DCAF8L2: variants seen among roughly 807,000 people sequenced by gnomAD.
DCAF8L2 encodes DDB1 and CUL4 associated factor 8 like 2.
For synonymous variants in DCAF8L2, 200 were observed against 190.9 expected (o/e 1.05, Z -0.39); for missense variants, 430 against 490.7 (o/e 0.88, Z 1.17).
the DCAF8L2 span, among the ~76,000 whole-genome samples, chrX:27,504,702 C>CGT: frequency 9.0e-6 from 1 of 111,328 alleles, no homozygotes; most frequent in East Asian, 2.8e-4. Context: ...TGGACTGACT[C>CGT]ATAGTAGCAA....
chrX:27,543,281 T>C, the DCAF8L2 span, among the ~76,000 whole-genome samples: 89 of 112,337 alleles, frequency 7.9e-4, no homozygotes, highest in African/African-American at 2.6e-3. Flanking sequence ...TTGTTGAAGA[T>C]CACATGGTTG....
chrX:27,514,970 C>T, the DCAF8L2 span, among the ~76,000 whole-genome samples: 8 of 111,295 alleles, frequency 7.2e-5, no homozygotes, highest in East Asian at 1.7e-3. Context: ...TTCTATTACA[C>T]AGTAGGGTGA....
chrX:27,613,019 G>A (rs1927267236), intron 1 of DCAF8L2, among the ~76,000 whole-genome samples: 1 of 111,634 alleles, frequency 9.0e-6, no homozygotes, highest in Non-Finnish European at 1.9e-5. Context: ...GGATGGCATT[G>A]AATCTATAAA....
At chrX:27,592,418 T>TTTTG (rs113278580) in intron 1 of DCAF8L2, among the ~76,000 whole-genome samples, 354 of 19,042 alleles carry the variant, frequency 0.019, no homozygotes, top group African/African-American at 0.039. Flanking sequence ...TTTGTTTTTG[T>TTTTG]TTTTTTTTTT....
the DCAF8L2 span, among the ~76,000 whole-genome samples, chrX:27,528,064 T>A: frequency 9.4e-6 from 1 of 106,179 alleles, no homozygotes; most frequent in African/African-American, 3.4e-5. Flanking sequence ...TAAATTAAAT[T>A]TTTAATTTAA....
At chrX:27,539,770 A>G in the DCAF8L2 span, among the ~76,000 whole-genome samples, 1 of 110,898 alleles carries the variant, frequency 9.0e-6, no homozygotes, top group Non-Finnish European at 1.9e-5. Context: ...TTGTTAAGGG[A>G]TGTTGGTGTT....
At chrX:27,533,192 A>C in the DCAF8L2 span, among the ~76,000 whole-genome samples, 23 of 23,027 alleles carry the variant, frequency 1.0e-3, 2 homozygotes, top group Non-Finnish European at 2.3e-3. Context: ...GAAAGAAAGA[A>C]AGAAAGAAAG....
At chrX:27,508,582 T>G in the DCAF8L2 span, among the ~76,000 whole-genome samples, 3 of 107,939 alleles carry the variant, frequency 2.8e-5, no homozygotes, top group African/African-American at 1.0e-4. Flanking sequence ...CCCCGGTCAC[T>G]CCATCCTTAG....
chrX:27,630,407 C>T (rs138785964), intron 1 of DCAF8L2, among the ~76,000 whole-genome samples: 35 of 111,547 alleles, frequency 3.1e-4, no homozygotes, highest in African/African-American at 1.1e-3. Context: ...AGCCCCTGAC[C>T]AGATGGCTTT....
the DCAF8L2 span, among the ~76,000 whole-genome samples, chrX:27,573,254 T>TCTCTCTCTCACACA: frequency 4.0e-5 from 4 of 99,710 alleles, no homozygotes; most frequent in African/African-American, 1.5e-4. Context: ...TCTCTCTCTC[T>TCTCTCTCTCACACA]CACACACACA....
intron 4 of DCAF8L2, among the ~76,000 whole-genome samples, chrX:27,737,915 G>A (rs888996809): frequency 9.0e-6 from 1 of 111,402 alleles, no homozygotes; most frequent in Non-Finnish European, 1.9e-5. Context: ...GTTTGCAAAT[G>A]TATCTTTCCC....
chrX:27,475,566 C>G, the DCAF8L2 span, among the ~76,000 whole-genome samples: 1 of 111,672 alleles, frequency 9.0e-6, no homozygotes, highest in Non-Finnish European at 1.9e-5. Context: ...TAGTGTGTCG[C>G]TTGAACAGGT....
intron 2 of DCAF8L2, among the ~76,000 whole-genome samples, chrX:27,667,148 G>A (rs768021667): frequency 9.1e-6 from 1 of 110,150 alleles, no homozygotes; most frequent in Admixed American, 9.7e-5. Context: ...GGTGGGGGGC[G>A]GTGTTAAAGG....
At chrX:27,723,847 G>T (rs776979768) in intron 4 of DCAF8L2, among the ~76,000 whole-genome samples, 12 of 110,949 alleles carry the variant, frequency 1.1e-4, no homozygotes, top group African/African-American at 2.9e-4. Context: ...AATAACTGGA[G>T]CTATATCTAC....
intron 3 of DCAF8L2, among the ~76,000 whole-genome samples, chrX:27,678,270 T>C (rs762853978): frequency 4.5e-5 from 5 of 111,814 alleles, no homozygotes; most frequent in African/African-American, 1.6e-4. Context: ...GTATATGATA[T>C]GGAAGTTCCT....
the DCAF8L2 span, among the ~76,000 whole-genome samples, chrX:27,473,877 G>A: frequency 5.4e-5 from 6 of 110,944 alleles, no homozygotes; most frequent in African/African-American, 1.3e-4. Context: ...GGAAGAATAC[G>A]CATTTTTTGC....
the DCAF8L2 span, among the ~76,000 whole-genome samples, chrX:27,526,120 C>T: frequency 1.8e-5 from 2 of 111,908 alleles, no homozygotes; most frequent in Non-Finnish European, 1.9e-5. Flanking sequence ...CTGCAGAGTA[C>T]TTTCCAACTT....
At chrX:27,594,010 T>A (rs1926236683) in intron 1 of DCAF8L2, among the ~76,000 whole-genome samples, 1 of 112,378 alleles carries the variant, frequency 8.9e-6, no homozygotes, top group South Asian at 3.6e-4. Context: ...AATTTTTTTA[T>A]AATAAAGTCA....
intron 2 of DCAF8L2, among the ~76,000 whole-genome samples, chrX:27,635,785 A>ATG (rs1928472413): frequency 1.2e-5 from 1 of 84,842 alleles, no homozygotes; most frequent in African/African-American, 4.8e-5. Flanking sequence ...ATTTCCTTTT[A>ATG]CGTGTGTGTG....
Sources: allele counts gnomAD v4.1 joint callset (sites outside exome capture counted in the v4.1 genomes callset), GRCh38; gene constraint gnomAD v4.1.1; transcripts MANE v1.5; gene names NCBI Gene and HGNC (gene_info 2026-07-23, HGNC 2026-07-21).